The following MDGA2 variants were observed in gnomAD, a reference collection of about 807,000 sequenced individuals.
MDGA2 encodes MAM domain-containing glycosylphosphatidylinositol anchor protein 2.
Under a neutral mutation model 117.8 loss-of-function variants are expected in MDGA2, and 40 were observed. That is an observed-to-expected ratio of 0.34 (90% confidence interval 0.26 to 0.44). The LOEUF is 0.44. Among genes scored for constraint, MDGA2 ranks in the 20% least tolerant of loss-of-function variants. The pLI, the probability that MDGA2 is intolerant of heterozygous loss-of-function variation, is 1.00. For synonymous variants in MDGA2, 452 were observed against 439.0 expected, an observed-to-expected ratio of 1.03 and a Z score of -0.37; for missense variants, 1,123 against 1,250.6, an observed-to-expected ratio of 0.90 and a Z score of 1.54.
At chr14:47,088,779 G>A (rs545164056) in intron 6 of MDGA2, among the ~76,000 whole-genome samples, 15 of 152,214 alleles carry the variant, frequency 9.9e-5, no homozygotes, top group African/African-American at 3.6e-4. Flanking sequence ...TTGTATCTTT[G>A]TCTTTAGTGA....
chr14:47,022,356 G>C (rs535020731), intron 8 of MDGA2, among the ~76,000 whole-genome samples: 1 of 152,112 alleles, frequency 6.6e-6, no homozygotes, highest in East Asian at 1.9e-4. Flanking sequence ...TGGGATTACA[G>C]GTATGAGCCA....
At chr14:47,482,452 G>C in intron 1 of MDGA2, among the ~76,000 whole-genome samples, 1 of 151,998 alleles carries the variant, frequency 6.6e-6, no homozygotes, top group Non-Finnish European at 1.5e-5. Context: ...CTATGACATA[G>C]AACACATAAC....
At chr14:47,362,609 TAA>T (rs1331978150) in intron 1 of MDGA2, among the ~76,000 whole-genome samples, 3 of 152,134 alleles carry the variant, frequency 2.0e-5, no homozygotes, top group Admixed American at 1.3e-4. Flanking sequence ...TCTGAATATA[TAA>T]GATTATAAAG....
intron 1 of MDGA2, among the ~76,000 whole-genome samples, chr14:47,359,687 G>A (rs1487442603): frequency 7.1e-6 from 1 of 140,928 alleles, no homozygotes; most frequent in African/African-American, 2.6e-5. Flanking sequence ...AGAGGTGGAG[G>A]TTGCAGTGAG....
intron 1 of MDGA2, among the ~76,000 whole-genome samples, chr14:47,402,391 C>T (rs1428120978): frequency 7.4e-6 from 1 of 134,802 alleles, no homozygotes; most frequent in Non-Finnish European, 1.6e-5. Flanking sequence ...AAAGAAAAGC[C>T]ATAAAGCCAT....
At chr14:47,477,183 C>T (rs1047512930) in intron 1 of MDGA2, among the ~76,000 whole-genome samples, 17 of 152,030 alleles carry the variant, frequency 1.1e-4, no homozygotes, top group African/African-American at 3.9e-4. Flanking sequence ...ATAAAAATAA[C>T]ATCCACATTT....
intron 1 of MDGA2, among the ~76,000 whole-genome samples, chr14:47,463,064 C>A (rs1254045580): frequency 2.0e-5 from 3 of 152,028 alleles, no homozygotes; most frequent in Non-Finnish European, 4.4e-5. Context: ...AAATCTAAGA[C>A]TTGGAAAGGA....
intron 1 of MDGA2, among the ~76,000 whole-genome samples, chr14:47,478,526 T>C (rs1289820557): frequency 1.3e-5 from 2 of 151,906 alleles, no homozygotes; most frequent in African/African-American, 2.4e-5. Context: ...AGGTGCCCGA[T>C]ACCATGACTG....
At chr14:47,339,765 T>A (rs1456754603) in intron 1 of MDGA2, among the ~76,000 whole-genome samples, 1 of 152,124 alleles carries the variant, frequency 6.6e-6, no homozygotes, top group African/African-American at 2.4e-5. Flanking sequence ...ACTTTCTGAA[T>A]TACAGAGCCT....
At chr14:47,160,869 T>C (rs1260908883) in intron 3 of MDGA2, among the ~76,000 whole-genome samples, 1 of 152,204 alleles carries the variant, frequency 6.6e-6, no homozygotes, top group Non-Finnish European at 1.5e-5. Context: ...AATTTTTTGA[T>C]TGGCACTGCT....
intron 8 of MDGA2, among the ~76,000 whole-genome samples, chr14:47,000,060 T>A (rs1355402558): frequency 6.6e-6 from 1 of 151,766 alleles, no homozygotes; most frequent in Non-Finnish European, 1.5e-5. Context: ...CTTTTAGTTA[T>A]CTTGCCTAAA....
At chr14:47,401,300 T>C (rs1239304941) in intron 1 of MDGA2, among the ~76,000 whole-genome samples, 2 of 152,062 alleles carry the variant, frequency 1.3e-5, no homozygotes, top group Non-Finnish European at 2.9e-5. Context: ...TAAAAGTGTC[T>C]TTAGGGAAGA....
intron 1 of MDGA2, among the ~76,000 whole-genome samples, chr14:47,527,385 A>G (rs1366022705): frequency 2.6e-5 from 4 of 152,220 alleles, no homozygotes; most frequent in African/African-American, 9.6e-5. Flanking sequence ...TGGAAGGAAC[A>G]AAAGAAAGGA....
intron 1 of MDGA2, among the ~76,000 whole-genome samples, chr14:47,397,629 A>G (rs557005125): frequency 6.6e-6 from 1 of 152,326 alleles, no homozygotes; most frequent in South Asian, 2.1e-4. Flanking sequence ...TCTTTTCTTT[A>G]TAGATCAATA....
intron 1 of MDGA2, among the ~76,000 whole-genome samples, chr14:47,566,050 A>C (rs1424104493): frequency 6.6e-6 from 1 of 152,200 alleles, no homozygotes; most frequent in Non-Finnish European, 1.5e-5. Flanking sequence ...GTGCACATAC[A>C]TCCACATGCC....
At chr14:47,555,095 A>G (rs1203462235) in intron 1 of MDGA2, among the ~76,000 whole-genome samples, 2 of 152,054 alleles carry the variant, frequency 1.3e-5, no homozygotes, top group Non-Finnish European at 2.9e-5. Context: ...AAGAGATACA[A>G]TTCCTATTGT....
intron 1 of MDGA2, among the ~76,000 whole-genome samples, chr14:47,484,416 T>C (rs900645561): frequency 6.6e-6 from 1 of 152,140 alleles, no homozygotes; most frequent in African/African-American, 2.4e-5. Context: ...AATGAATAAT[T>C]GCTAAATTAG....
chr14:47,231,065 C>A (rs1276781873), intron 2 of MDGA2, among the ~76,000 whole-genome samples: 2 of 151,948 alleles, frequency 1.3e-5, no homozygotes, highest in Non-Finnish European at 2.9e-5. Flanking sequence ...TTCATGTAAA[C>A]CCCAGCAGTA....
chr14:47,282,050 GA>G (rs1255955701), intron 2 of MDGA2, among the ~76,000 whole-genome samples: 4,411 of 124,142 alleles, frequency 0.036, 195 homozygotes, highest in African/African-American at 0.11. Flanking sequence ...TCCGTCTCGG[GA>G]AAAAAAAAAA....
Sources: allele counts gnomAD v4.1 joint callset (sites outside exome capture counted in the v4.1 genomes callset), GRCh38; gene constraint gnomAD v4.1.1; transcripts MANE v1.5; gene names NCBI Gene and HGNC (gene_info 2026-07-23, HGNC 2026-07-21).